Variants in SGCZ observed in about 807,000 individuals in gnomAD.
The protein encoded by SGCZ is sarcoglycan zeta, also known as zeta-sarcoglycan.
A neutral mutation model predicts 41.3 loss-of-function variants in SGCZ; 40 were observed. The ratio of observed to expected loss-of-function variants is 0.97; its 90% CI spans 0.75 to 1.26. The LOEUF (loss-of-function observed/expected upper bound fraction) is 1.26. Ranked by LOEUF, SGCZ falls within the 50% of genes most tolerant of loss-of-function variation. The probability of loss-of-function intolerance (pLI) is 0.00; values close to 1 mark genes in which losing one functional copy is unlikely to be tolerated. For synonymous variants in SGCZ, 206 were observed against 137.5 expected (o/e 1.50, Z -3.49); for missense variants, 552 against 369.8 (o/e 1.49, Z -4.04).
intron 1 of SGCZ, among the ~76,000 whole-genome samples, chr8:14,821,572 T>A (rs540929451): frequency 2.6e-5 from 4 of 152,070 alleles, no homozygotes; most frequent in African/African-American, 9.7e-5. Context: ...ATCAGCAAGA[T>A]ATTAGCCTAC....
At chr8:14,869,897 G>C (rs921954083) in intron 1 of SGCZ, among the ~76,000 whole-genome samples, 3 of 152,148 alleles carry the variant, frequency 2.0e-5, no homozygotes, top group Non-Finnish European at 4.4e-5. Context: ...TCTTCAAGGA[G>C]AACTACAAAA....
intron 1 of SGCZ, among the ~76,000 whole-genome samples, chr8:14,743,469 C>A (rs1297442071): frequency 6.6e-6 from 1 of 151,952 alleles, no homozygotes; most frequent in African/African-American, 2.4e-5. Context: ...TAAAATGAAT[C>A]AGATTTATTT....
At chr8:15,054,681 G>A (rs906595673) in intron 1 of SGCZ, among the ~76,000 whole-genome samples, 4 of 152,034 alleles carry the variant, frequency 2.6e-5, no homozygotes, top group Non-Finnish European at 5.9e-5. Context: ...GTAGCCGGGC[G>A]CAGTGGCTCA....
chr8:14,445,722 GGCAGAGGGCAGCCT>G (rs1172451020), intron 2 of SGCZ, among the ~76,000 whole-genome samples: 1 of 152,174 alleles, frequency 6.6e-6, no homozygotes, highest in Non-Finnish European at 1.5e-5. Context: ...CATGGTCACT[GGCAGAGGGCAGCCT>G]CCCCAGGTGA....
chr8:14,513,135 C>T (rs548080897), intron 2 of SGCZ, among the ~76,000 whole-genome samples: 1 of 152,040 alleles, frequency 6.6e-6, no homozygotes, highest in Non-Finnish European at 1.5e-5. Flanking sequence ...CTTGACCTCC[C>T]AGGCTCAAGC....
At chr8:14,665,341 C>T (rs1350941434) in intron 1 of SGCZ, among the ~76,000 whole-genome samples, 5 of 152,162 alleles carry the variant, frequency 3.3e-5, no homozygotes, top group Non-Finnish European at 7.3e-5. Flanking sequence ...AGGACATGAA[C>T]TCATCATTTT....
chr8:14,619,517 G>A (rs1458178115), intron 1 of SGCZ, among the ~76,000 whole-genome samples: 5 of 152,150 alleles, frequency 3.3e-5, no homozygotes, highest in African/African-American at 4.8e-5. Context: ...GTCTGCAGAT[G>A]ACATGACTGT....
chr8:15,067,572 T>G (rs1016698949), intron 1 of SGCZ, among the ~76,000 whole-genome samples: 1 of 152,218 alleles, frequency 6.6e-6, no homozygotes, highest in African/African-American at 2.4e-5. Context: ...CCATTATTGC[T>G]ATGCATTGAT....
At chr8:14,612,600 G>A (rs1805964426) in intron 1 of SGCZ, among the ~76,000 whole-genome samples, 1 of 152,160 alleles carries the variant, frequency 6.6e-6, no homozygotes. Context: ...CCATAGAATT[G>A]AAAGAATTCA....
chr8:15,147,958 T>G (rs1419250604), intron 1 of SGCZ, among the ~76,000 whole-genome samples: 1 of 152,186 alleles, frequency 6.6e-6, no homozygotes, highest in East Asian at 1.9e-4. Context: ...TATAGTAAAG[T>G]TTTGAGTCTA....
intron 1 of SGCZ, among the ~76,000 whole-genome samples, chr8:14,841,027 T>G (rs7845612): frequency 1.3e-5 from 2 of 152,104 alleles, no homozygotes; most frequent in Non-Finnish European, 2.9e-5. Context: ...TTTATCAATG[T>G]GTAAACATTT....
At chr8:14,439,708 T>C (rs571719403) in intron 2 of SGCZ, among the ~76,000 whole-genome samples, 6 of 151,998 alleles carry the variant, frequency 3.9e-5, no homozygotes, top group East Asian at 1.9e-4. Context: ...GAGAATAAAA[T>C]TGACAAATTA....
chr8:14,168,221 C>T (rs1804266656), intron 4 of SGCZ, among the ~76,000 whole-genome samples: 1 of 152,136 alleles, frequency 6.6e-6, no homozygotes, highest in South Asian at 2.1e-4. Flanking sequence ...CAACTAAATT[C>T]TATATTCAGA....
intron 1 of SGCZ, among the ~76,000 whole-genome samples, chr8:14,805,906 A>G (rs1318864118): frequency 4.0e-5 from 6 of 150,866 alleles, no homozygotes; most frequent in African/African-American, 1.5e-4. Flanking sequence ...CAATCAAACT[A>G]GAACTCAGGA....
At position 14,726,343 on chromosome 8, in the gene SGCZ, A is replaced by ATAT. The variant is rs1563228602; in HGVS notation, c.40-171418_40-171417insATA. 2.4e-4 allele frequency among the ~76,000 whole-genome samples: 23 copies of ATAT among 94,078 alleles called. 1 individual carries two copies. Among genetic ancestry groups the ATAT allele is most frequent in the African/African-American group, 6.6e-4 (22 of 33,246 alleles). The allele number at this position is 94,078 out of a possible 152,430, so 61.7% of individuals were successfully genotyped here. ...ATATATCTATATATATATATATATAAAATTAGATAGGATTTTAAAATTTCA... is the reference window on the plus strand; with the variant it reads ...ATATATCTATATATATATATATATAATATAATTAGATAGGATTTTAAAATTTCA... On this transcript the variant is annotated intron_variant, in intron 1 of 7. Coordinates refer to ENST00000382080, the MANE Select transcript of SGCZ (RefSeq NM_139167.4).
chr8:14,338,266 G>T (rs1026918582), intron 2 of SGCZ, among the ~76,000 whole-genome samples: 1 of 152,144 alleles, frequency 6.6e-6, no homozygotes, highest in African/African-American at 2.4e-5. Flanking sequence ...GGGCCTTCTG[G>T]TCTCATTTCA....
rs1327924461 is a variant in SGCZ at position 15,008,743 on chromosome 8, GGA to G, written c.39+228840_39+228841del. Among the ~76,000 whole-genome samples, 2 of 59,042 alleles carry G rather than the reference GGA, an allele frequency of 3.4e-5. 1 individual carries two copies. Among genetic ancestry groups the G allele is most frequent in the Non-Finnish European group, 6.6e-5 (2 of 30,496 alleles). The allele number at this position is 59,042 out of a possible 152,430, so 38.7% of individuals were successfully genotyped here. ...AGGGGAGGAGGGGGGAGGAGGGAGGGGAAGAGGGGGGAGGAGGGAGGGACGGA... is the reference window on the plus strand; with the variant it reads ...AGGGGAGGAGGGGGGAGGAGGGAGGGAGAGGGGGGAGGAGGGAGGGACGGA... On this transcript the variant is annotated intron_variant, in intron 1 of 7. Coordinates refer to ENST00000382080, the MANE Select transcript of SGCZ (RefSeq NM_139167.4).
intron 1 of SGCZ, among the ~76,000 whole-genome samples, chr8:14,592,219 T>C (rs910875371): frequency 1.3e-5 from 2 of 152,130 alleles, no homozygotes; most frequent in Non-Finnish European, 2.9e-5. Context: ...TTCCTAGTTT[T>C]AAAATGAGGG....
chr8:14,762,733 A>T (rs1235457525), intron 1 of SGCZ, among the ~76,000 whole-genome samples: 3 of 152,202 alleles, frequency 2.0e-5, no homozygotes, highest in Admixed American at 2.0e-4. Flanking sequence ...TTTGCTGGAC[A>T]AACAAGCATT....
Sources: gnomAD v4.1 joint callset for allele counts (sites outside exome capture counted in the v4.1 genomes callset) on GRCh38, gnomAD v4.1.1 for gene constraint, MANE v1.5 for transcripts, NCBI Gene and HGNC (gene_info 2026-07-23, HGNC 2026-07-21) for gene names.